The following FARP1 variants were observed in gnomAD, a reference collection of about 807,000 sequenced individuals.
FARP1 encodes FERM, ARH/RhoGEF and pleckstrin domain protein 1.
FARP1 carries 52 observed loss-of-function variants against 128.8 expected under a neutral mutation model. The observed-to-expected ratio is 0.40, with a 90% CI of 0.32 to 0.51. The LOEUF is 0.51. Ranked by LOEUF, FARP1 falls within the 20% of genes least tolerant of loss-of-function variation. FARP1 has a pLI of 0.45. For synonymous variants in FARP1, 580 were observed against 551.8 expected (o/e 1.05, Z -0.72); for missense variants, 1,333 against 1,367.9 (o/e 0.97, Z 0.40).
At chr13:98,205,719 T>C (rs1014458612) in intron 1 of FARP1, among the ~76,000 whole-genome samples, 36 of 152,166 alleles carry the variant, frequency 2.4e-4, no homozygotes, top group African/African-American at 8.0e-4. Context: ...AATCTATTGC[T>C]TGCTTTTCTC....
At chr13:98,327,961 A>C (rs376022100) in intron 2 of FARP1, among the ~76,000 whole-genome samples, 1 of 152,296 alleles carries the variant, frequency 6.6e-6, no homozygotes, top group African/African-American at 2.4e-5. Context: ...AATATTCATG[A>C]AACGAGAACC....
At chr13:98,227,899 T>C (rs1881888829) in intron 2 of FARP1, among the ~76,000 whole-genome samples, 1 of 152,208 alleles carries the variant, frequency 6.6e-6, no homozygotes, top group East Asian at 1.9e-4. Flanking sequence ...ATGATTCTAC[T>C]AATATGGGGT....
intron 1 of FARP1, among the ~76,000 whole-genome samples, chr13:98,145,876 A>G (rs1875507907): frequency 6.6e-6 from 1 of 151,184 alleles, no homozygotes; most frequent in African/African-American, 2.4e-5. Context: ...AAAAAAAAAA[A>G]AAAGAGAAAA....
At chr13:98,201,919 C>G (rs777515099) in intron 1 of FARP1, among the ~76,000 whole-genome samples, 1 of 152,200 alleles carries the variant, frequency 6.6e-6, no homozygotes, top group Non-Finnish European at 1.5e-5. Context: ...TCCAAATGAT[C>G]AAACAGGCCG....
At chr13:98,180,170 C>T (rs1227526549) in intron 1 of FARP1, among the ~76,000 whole-genome samples, 1 of 152,128 alleles carries the variant, frequency 6.6e-6, no homozygotes, top group Non-Finnish European at 1.5e-5. Flanking sequence ...GCTGTACAAG[C>T]AGCATGGCGT....
intron 8 of FARP1, among the ~76,000 whole-genome samples, chr13:98,387,052 A>G (rs767739606): frequency 4.6e-5 from 7 of 152,120 alleles, no homozygotes; most frequent in Non-Finnish European, 1.0e-4. Context: ...TGTAATCCCA[A>G]CACTTTGGGA....
intron 2 of FARP1, among the ~76,000 whole-genome samples, chr13:98,241,823 G>C (rs112269691): frequency 6.6e-6 from 1 of 152,110 alleles, no homozygotes; most frequent in Non-Finnish European, 1.5e-5. Flanking sequence ...GGAGGCTGAG[G>C]CAGGAGAATC....
At chr13:98,255,391 C>T (rs1001533178) in intron 2 of FARP1, among the ~76,000 whole-genome samples, 5 of 152,052 alleles carry the variant, frequency 3.3e-5, no homozygotes, top group African/African-American at 1.2e-4. Flanking sequence ...GTCCCAGCTA[C>T]TCGGGAGGCT....
intron 2 of FARP1, among the ~76,000 whole-genome samples, chr13:98,337,203 C>CTAAAAA (rs1171022951): frequency 6.6e-6 from 1 of 152,056 alleles, no homozygotes; most frequent in Non-Finnish European, 1.5e-5. Context: ...CTCGTCTCTA[C>CTAAAAA]TAAAAATAAA....
At chr13:98,240,837 G>A (rs1176214959) in intron 2 of FARP1, among the ~76,000 whole-genome samples, 1 of 152,198 alleles carries the variant, frequency 6.6e-6, no homozygotes, top group Admixed American at 6.5e-5. Flanking sequence ...AGGGCTTTCG[G>A]GGAAGGACAG....
At chr13:98,416,562 A>G (rs73551921) in intron 16 of FARP1, among the ~76,000 whole-genome samples, 2,382 of 152,342 alleles carry the variant, frequency 0.016, 23 homozygotes, top group Middle Eastern at 0.034. Context: ...TGCTTTCTTC[A>G]AAAACAAGGA....
intron 2 of FARP1, among the ~76,000 whole-genome samples, chr13:98,216,853 G>A (rs1444286497): frequency 6.6e-6 from 1 of 152,174 alleles, no homozygotes; most frequent in African/African-American, 2.4e-5. Context: ...AAGTTCAAGC[G>A]CAGTATTTAT....
At chr13:98,371,640 C>T (rs1594456329) in intron 5 of FARP1, among the ~76,000 whole-genome samples, 1 of 152,074 alleles carries the variant, frequency 6.6e-6, no homozygotes, top group Non-Finnish European at 1.5e-5. Context: ...TTGGGACTCT[C>T]GCATCTCAAA....
At chr13:98,187,328 C>A (rs1878944457) in intron 1 of FARP1, among the ~76,000 whole-genome samples, 1 of 152,150 alleles carries the variant, frequency 6.6e-6, no homozygotes, top group Non-Finnish European at 1.5e-5. Context: ...AATGTGATAG[C>A]CCAATTAAGA....
In FARP1 at chr13:98,259,824, G is replaced by A. The variant is rs191509490; in HGVS notation, c.171+46411G>A. ...CAAGATTCAGGTCGGATGAAGGGAA[G>A]GTGGCCTGTAGAATAGTCACGGTGC... is the stretch of plus-strand genomic sequence containing the variant. On this transcript the variant is annotated intron_variant, in intron 2 of 26. Transcript: ENST00000319562. 2.0e-5 allele frequency among the ~76,000 whole-genome samples: 3 copies of A among 150,970 alleles called. No homozygotes were observed. The East Asian group carries it at 5.9e-4, about 30-fold the overall frequency.
rs112648643 is a variant in FARP1 at position 98,314,790 on chromosome 13, C to T, written c.172-28972C>T. 3.5e-3 allele frequency among the ~76,000 whole-genome samples: 530 copies of T among 152,298 alleles called. 4 individuals are homozygous for T. The highest frequency in any genetic ancestry group is 0.012 in the African/African-American group (490 of 41,566). On this transcript the variant is annotated intron_variant, in intron 2 of 26. Transcript: ENST00000319562. Reference sequence around the variant, plus strand: ...ACCCAGCTCTTGTGGTCCTGCGGGACGCATTTCCCAGAGCACCTCTAGGGA... The same window carrying T: ...ACCCAGCTCTTGTGGTCCTGCGGGATGCATTTCCCAGAGCACCTCTAGGGA...
At chr13:98,202,079 T>C (rs996223361) in intron 1 of FARP1, among the ~76,000 whole-genome samples, 3 of 152,196 alleles carry the variant, frequency 2.0e-5, no homozygotes, top group Non-Finnish European at 4.4e-5. Flanking sequence ...ACCTAACCCC[T>C]TGTGAGAAGT....
At chr13:98,375,464 C>G (rs1177522056) in intron 5 of FARP1, among the ~76,000 whole-genome samples, 1 of 152,130 alleles carries the variant, frequency 6.6e-6, no homozygotes, top group East Asian at 1.9e-4. Flanking sequence ...CTTGGCTGTC[C>G]TGAAACACCC....
Position 98,447,009 on chromosome 13 carries a change from C to A in FARP1, c.3056+192C>A, listed in dbSNP as rs984572388. On this transcript the variant is annotated intron_variant, in intron 26 of 26. Transcript: ENST00000319562. ...ATGGCAGAAAGTGGGGTCCCAACTT[C>A]CCTGCGCCCTTACCCTGCACGGTGT... The A allele has an allele frequency of 1.2e-5, 7 of 593,844 alleles. No homozygotes were observed. In the Admixed American group the frequency reaches 2.0e-4, roughly 17 times the overall value. 36.8% of individuals were successfully genotyped at this position (593,844 alleles called of 1,614,324 possible).
Sources: allele counts gnomAD v4.1 joint callset (sites outside exome capture counted in the v4.1 genomes callset), GRCh38; gene constraint gnomAD v4.1.1; transcripts MANE v1.5; gene names NCBI Gene and HGNC (gene_info 2026-07-23, HGNC 2026-07-21).